PARG: variants seen among roughly 807,000 people sequenced by gnomAD.
PARG encodes the protein mitochondrial poly(ADP-ribose) glycohydrolase.
A neutral mutation model predicts 113.0 loss-of-function variants in PARG; 35 were observed. The observed-to-expected ratio is 0.31, with a 90% CI of 0.24 to 0.41. The LOEUF is 0.41. Ranked by LOEUF, PARG falls within the 10% of genes least tolerant of loss-of-function variation. PARG has a pLI of 1.00. For synonymous variants in PARG, 330 were observed against 409.9 expected (o/e 0.81, Z 2.36); for missense variants, 797 against 1,169.4 (o/e 0.68, Z 4.64).
At chr10:49,909,707 G>C (rs1400908648) in intron 7 of PARG, 1 of 157,628 alleles carries the variant, frequency 6.3e-6, no homozygotes, top group Non-Finnish European at 1.4e-5. Flanking sequence ...AAAATAGAAG[G>C]TGCTTATGCT....
intron 7 of PARG, among the ~76,000 whole-genome samples, chr10:49,894,816 A>G (rs1554842331): frequency 2.0e-5 from 3 of 152,164 alleles, no homozygotes; most frequent in African/African-American, 7.2e-5. Flanking sequence ...GCTTAAAACA[A>G]CAAAAATGTA....
At chr10:49,868,426 A>G (rs530647330) in intron 10 of PARG, among the ~76,000 whole-genome samples, 1 of 152,352 alleles carries the variant, frequency 6.6e-6, no homozygotes, top group South Asian at 2.1e-4. Context: ...AGATAATTCC[A>G]TATCAGAGAA....
At chr10:49,935,340 A>G (rs1838694551) in intron 1 of PARG, among the ~76,000 whole-genome samples, 198 bp from the exon 2 acceptor site, 1 of 152,228 alleles carries the variant, frequency 6.6e-6, no homozygotes, top group Non-Finnish European at 1.5e-5. Flanking sequence ...ACTGGTGCCT[A>G]AAAGAGTTGG....
Position 49,832,658 on chromosome 10 carries a change from GGA to G in PARG, c.2647+143_2647+144del, listed in dbSNP as rs1844728780. 5.5e-6 allele frequency: 3 copies of G among 548,708 alleles called. No individual in the cohort carries two copies. In the Admixed American group the frequency reaches 1.0e-4, roughly 19 times the overall value. The allele number at this position is 548,708 out of a possible 1,614,324, so 34.0% of individuals were successfully genotyped here. On this transcript the variant is annotated intron_variant, in intron 16 of 17. Coordinates refer to ENST00000616448, the MANE Select transcript of PARG (RefSeq NM_003631.5). ...AATAAGAATTCCTTCAAACATAATA[GGA>G]AAAAAGAAAATAGTGTTAAATATTC... is the stretch of plus-strand genomic sequence containing the variant.
chr10:49,820,150 G>A lies in PARG; in HGVS notation c.2776+15C>T, dbSNP rs577611922. The A allele has an allele frequency of 1.3e-6, 2 of 1,523,798 alleles. No homozygotes were observed. Among genetic ancestry groups the A allele is most frequent in the Admixed American group, 2.0e-5 (1 of 50,862 alleles). 94.4% of individuals were successfully genotyped at this position (1,523,798 alleles called of 1,614,324 possible). On this transcript the variant is annotated intron_variant, in intron 17 of 17. Coordinates refer to ENST00000616448, the MANE Select transcript of PARG (RefSeq NM_003631.5). The stretch of plus-strand genomic sequence containing the variant: ...TCCATCTAGATACCAAGTGTCAAGA[G>A]TATCTCCTACTTACCAACAGTGAGT...
chr10:49,941,739 G>C lies in PARG; in HGVS notation c.-14C>G. 1 of 1,561,710 alleles carries C rather than the reference G, an allele frequency of 6.4e-7. No homozygotes were observed. The highest frequency in any genetic ancestry group is 1.2e-5 in the South Asian group (1 of 84,812). ...GCCCGCATTCATGCTGGGACCAGCA[G>C]CGCACTGTCCCCGGGCCGGCCCGGG... On this transcript the variant is annotated 5_prime_UTR_variant, in exon 1 of 18. Transcript: ENST00000616448.
intron 16 of PARG, among the ~76,000 whole-genome samples, chr10:49,825,337 C>T (rs1413412241): frequency 6.6e-6 from 1 of 152,144 alleles, no homozygotes; most frequent in African/African-American, 2.4e-5. Context: ...AGAATGGTAA[C>T]TCCCAAATCT....
At chr10:49,832,934 C>T in intron 15 of PARG, 26 bp from the exon 16 acceptor site, 1 of 1,185,684 alleles carries the variant, frequency 8.4e-7, no homozygotes, top group Non-Finnish European at 1.2e-6. Flanking sequence ...ATTATCAAAG[C>T]CTGTGAGTGC....
At chr10:49,891,623 ATTTTTTTT>A (rs1160158066) in intron 7 of PARG, among the ~76,000 whole-genome samples, 1,040 of 46,816 alleles carry the variant, frequency 0.022, 18 homozygotes, top group Admixed American at 0.083. Flanking sequence ...ATATATATAT[ATTTTTTTT>A]TTTTTTTTTT....
At chr10:49,938,856 T>C (rs1489181282) in intron 1 of PARG, among the ~76,000 whole-genome samples, 1 of 152,100 alleles carries the variant, frequency 6.6e-6, no homozygotes, top group African/African-American at 2.4e-5. Context: ...TATATAAAAA[T>C]TTAAATACCA....
Position 49,820,210 on chromosome 10 carries a change from T to C in PARG, c.2731A>G (p.Ile911Val), listed in dbSNP as rs200756667. Reference protein sequence around the residue: ...TFGDSELMRDIYSMHIFLTER... With the variant: ...TFGDSELMRDVYSMHIFLTER... ...GTAAGGAAAATGTGCATGCTGTAAA[T>C]GTCTCTCATCAATTCTGAGTCCCCA... Residue 911 changes from isoleucine (I) to valine (V), a missense_variant, in exon 17 of 18, where the codon ATT becomes GTT. By Grantham distance (29) the Ile-to-Val change is conservative. Coordinates refer to ENST00000616448, the MANE Select transcript of PARG (RefSeq NM_003631.5). 3.4e-4 allele frequency: 521 copies of C among 1,546,590 alleles called. 1 individual carries two copies. Among genetic ancestry groups the C allele is most frequent in the Non-Finnish European group, 3.8e-4 (436 of 1,142,276 alleles).
At chr10:49,835,804 G>C (rs1844889230) in intron 15 of PARG, among the ~76,000 whole-genome samples, 1 of 152,034 alleles carries the variant, frequency 6.6e-6, no homozygotes, top group African/African-American at 2.4e-5. Context: ...GGCCCAAGCA[G>C]ATAGACAGTT....
intron 16 of PARG, among the ~76,000 whole-genome samples, chr10:49,821,885 C>G (rs1270218140): frequency 6.6e-6 from 1 of 152,026 alleles, no homozygotes; most frequent in Non-Finnish European, 1.5e-5. Context: ...AAAGAAAGAA[C>G]CCAAGTAACT....
chr10:49,868,123 C>G (rs1846610460), intron 10 of PARG, among the ~76,000 whole-genome samples: 1 of 152,098 alleles, frequency 6.6e-6, no homozygotes, highest in African/African-American at 2.4e-5. Flanking sequence ...GAGTAGCTGG[C>G]ATTACACTCT....
At chr10:49,833,064 A>C (rs1844749933) in intron 15 of PARG, 156 bp from the exon 16 acceptor site, 1 of 454,870 alleles carries the variant, frequency 2.2e-6, no homozygotes, top group African/African-American at 2.0e-5. Context: ...ACAAAGAGGG[A>C]GAAAGGGAGA....
At chr10:49,919,516 T>A (rs1837681913) in intron 6 of PARG, among the ~76,000 whole-genome samples, 1 of 152,200 alleles carries the variant, frequency 6.6e-6, no homozygotes, top group Non-Finnish European at 1.5e-5. Context: ...TACAGGTATG[T>A]TAAATTCTAA....
At position 49,885,783 on chromosome 10, in the gene PARG, T is replaced by C. The variant is rs1268859029; in HGVS notation, c.1738-488A>G. Among the ~76,000 whole-genome samples the C allele has an allele frequency of 2.0e-5, 3 of 152,186 alleles. No homozygotes were observed. The South Asian group carries it at 6.2e-4, about 32-fold the overall frequency. ...TACTCTATGGGTCAAATCTAATCTG[T>C]TGGGTAATAAACAATGAGGTTTCTG... On this transcript the variant is annotated intron_variant, in intron 7 of 17. Coordinates refer to ENST00000616448, the MANE Select transcript of PARG (RefSeq NM_003631.5).
intron 9 of PARG, among the ~76,000 whole-genome samples, chr10:49,876,664 T>C (rs1277405035): frequency 2.0e-5 from 3 of 152,102 alleles, no homozygotes; most frequent in African/African-American, 2.4e-5. Flanking sequence ...ATAAAAGCCA[T>C]GTGGAAAAGA....
At position 49,931,988 on chromosome 10, in the gene PARG, A is replaced by G. The variant is rs1418871825; in HGVS notation, c.1455+112T>C. 101 of 673,390 alleles carry G rather than the reference A, an allele frequency of 1.5e-4. No individual in the cohort carries two copies. The African/African-American group carries it at 1.6e-3, about 11-fold the overall frequency. The allele number at this position is 673,390 out of a possible 1,614,324, so 41.7% of individuals were successfully genotyped here. ...CTGTAGAATTCTCAGTATTTTATAT[A>G]TGCAGAAAACAGAAGAACTTTCTAA... On this transcript the variant is annotated intron_variant, in intron 4 of 17. Transcript: ENST00000616448.
Sources: allele counts gnomAD v4.1 joint callset (sites outside exome capture counted in the v4.1 genomes callset), GRCh38; gene constraint gnomAD v4.1.1; transcripts MANE v1.5; gene names NCBI Gene and HGNC (gene_info 2026-07-23, HGNC 2026-07-21).